The following ILDR2 variants were observed in gnomAD, a reference collection of about 807,000 sequenced individuals.
ILDR2 encodes immunoglobulin-like domain-containing receptor 2.
In ILDR2, 25 loss-of-function variants were observed where a neutral mutation model predicts 66.8. The ratio of observed to expected loss-of-function variants is 0.37; its 90% confidence interval spans 0.27 to 0.52. The LOEUF is 0.52. ILDR2 is among the 20% of genes least tolerant of loss of function. The pLI, the probability that ILDR2 is intolerant of heterozygous loss-of-function variation, is 0.88. For missense variants in ILDR2, 827 were observed against 876.8 expected (o/e 0.94, Z 0.72); for synonymous variants, 367 against 357.2 (o/e 1.03, Z -0.31).
intron 6 of ILDR2, among the ~76,000 whole-genome samples, chr1:166,929,880 GATTATT>G (rs374019162): frequency 2.0e-5 from 3 of 152,188 alleles, no homozygotes; most frequent in African/African-American, 7.2e-5. Flanking sequence ...TGGGTATCAT[GATTATT>G]ATTATTATTA....
At chr1:166,953,134 G>A in intron 3 of ILDR2, among the ~76,000 whole-genome samples, 1 of 152,076 alleles carries the variant, frequency 6.6e-6, no homozygotes, top group East Asian at 1.9e-4. Flanking sequence ...TCTTCTCTGT[G>A]TCTTGATAAA....
downstream of ILDR2, among the ~76,000 whole-genome samples, chr1:166,904,723 G>A (rs532950990): frequency 6.6e-6 from 1 of 152,280 alleles, no homozygotes. Flanking sequence ...ATACACTGTG[G>A]AACAATTAAA....
rs1288930234 is a variant in ILDR2 at position 166,909,379 on chromosome 1, T to C, written c.*9976A>G. 1 of 152,150 alleles carries C rather than the reference T, an allele frequency of 6.6e-6. No homozygotes were observed. The highest frequency in any genetic ancestry group is 1.9e-4 in the East Asian group (1 of 5,184). 9.4% of individuals were successfully genotyped at this position (152,150 alleles called of 1,614,324 possible). On this transcript the variant is annotated 3_prime_UTR_variant, in exon 10 of 10. Coordinates refer to ENST00000271417, the MANE Select transcript of ILDR2 (RefSeq NM_199351.3). ...CTTACTACATTGAGACCCAGGTTTG[T>C]TCTCAGTTCCTACAGCTCTTCCAGC... is the stretch of plus-strand genomic sequence containing the variant.
chr1:166,938,961 C>T (rs551134900), intron 4 of ILDR2, among the ~76,000 whole-genome samples: 2 of 152,058 alleles, frequency 1.3e-5, no homozygotes, highest in East Asian at 1.9e-4. Context: ...ACATATGGTC[C>T]GTGGACCCAT....
chr1:166,921,370 G>A lies in ILDR2; in HGVS notation c.1221C>T (p.Arg407=). ...TCCGCGACAGCATCTCCGACTTGGA[G>A]CGCGGCTGGCTGCGGGCAGAGAAGG... is the stretch of plus-strand genomic sequence containing the variant. ...DRESFRHSQP[R]SKSEMLSRKN... The change falls in exon 9 of 10, where the codon CGC becomes CGT. Residue 407 remains arginine (R), a synonymous_variant. Transcript: ENST00000271417. The surrounding 1 kb of genome is among the most constrained non-coding windows in gnomAD (Gnocchi z 5.3). 6.4e-7 allele frequency: 1 copy of A among 1,566,922 alleles called. No individual in the cohort carries two copies. The highest frequency in any genetic ancestry group is 8.7e-7 in the Non-Finnish European group (1 of 1,153,032).
Position 166,927,157 on chromosome 1 carries a change from C to A in ILDR2, c.904G>T (p.Ala302Ser). The A allele has an allele frequency of 6.2e-7, 1 of 1,613,524 alleles. No homozygotes were observed. Among genetic ancestry groups the A allele is most frequent in the Non-Finnish European group, 8.5e-7 (1 of 1,179,742 alleles). ...TTCATGGAGTCTCTCTCTTTGTCAG[C>A]CTGGATCCGGTAACCTTTGCGAACT... Reference protein sequence around the residue: ...HSVRKGYRIQADKERDSMKVL... With the variant: ...HSVRKGYRIQSDKERDSMKVL... The change falls in exon 7 of 10, where the codon GCT (alanine) becomes TCT (serine). Residue 302 changes from alanine (A) to serine (S), a missense_variant. Physicochemically the swap from Ala to Ser is moderately conservative, Grantham distance 99 (BLOSUM62 1). Around this residue, in one of 2 missense-constraint regions of ILDR2, gnomAD observed 437 missense variants for 523.2 expected, o/e 0.84. Coordinates refer to ENST00000271417, the MANE Select transcript of ILDR2 (RefSeq NM_199351.3).
In ILDR2 at chr1:166,919,365, A is replaced by G; in HGVS notation, c.1910T>C (p.Leu637Pro). 1 of 1,610,768 alleles carries G rather than the reference A, an allele frequency of 6.2e-7. No individual in the cohort carries two copies. Among genetic ancestry groups the G allele is most frequent in the Non-Finnish European group, 8.5e-7 (1 of 1,177,268 alleles). The change falls in exon 10 of 10, where the codon CTT (leucine) becomes CCT (proline). Residue 637 changes from leucine to proline, a missense_variant. Leu to Pro is a moderately conservative substitution (Grantham distance 98, BLOSUM62 -3). Transcript: ENST00000271417. ...GAAATGTTGACAACATCAGACCACAAGGGACATCCTGGTTGGAAAGTCATT... is the reference window on the plus strand; with the variant it reads ...GAAATGTTGACAACATCAGACCACAGGGGACATCCTGGTTGGAAAGTCATT... ...KTNDFPTRMSLVV is the reference protein window; with the variant it reads ...KTNDFPTRMSPVV
chr1:166,966,598 A>C (rs1273002777), intron 1 of ILDR2, among the ~76,000 whole-genome samples: 1 of 152,212 alleles, frequency 6.6e-6, no homozygotes, highest in African/African-American at 2.4e-5. Flanking sequence ...CAAGTGTGCC[A>C]TCCTTTCTTG....
intron 3 of ILDR2, among the ~76,000 whole-genome samples, chr1:166,953,447 C>A (rs112371463): frequency 4.9e-4 from 74 of 152,238 alleles, no homozygotes; most frequent in African/African-American, 1.7e-3. Flanking sequence ...CATCTTTAAC[C>A]CATCTTTTCT....
chr1:166,945,673 C>G (rs1286526287), intron 3 of ILDR2, among the ~76,000 whole-genome samples: 2 of 152,186 alleles, frequency 1.3e-5, no homozygotes, highest in African/African-American at 4.8e-5. Flanking sequence ...TTAGGACAAA[C>G]CTGTTTTCAG....
At chr1:166,934,632 C>T (rs920562529) in intron 6 of ILDR2, among the ~76,000 whole-genome samples, 2 of 152,194 alleles carry the variant, frequency 1.3e-5, no homozygotes, top group South Asian at 2.1e-4. Flanking sequence ...CTGGCTCCGT[C>T]GTATCCTTCT....
At chr1:166,923,817 C>G (rs1660107272) in intron 7 of ILDR2, among the ~76,000 whole-genome samples, 1 of 152,168 alleles carries the variant, frequency 6.6e-6, no homozygotes, top group Admixed American at 6.5e-5. Flanking sequence ...TTTCATTGTA[C>G]TTAAAAAATA....
intron 3 of ILDR2, among the ~76,000 whole-genome samples, chr1:166,944,781 C>G (rs1460324747): frequency 3.3e-5 from 5 of 152,184 alleles, no homozygotes; most frequent in Non-Finnish European, 5.9e-5. Flanking sequence ...GAATGCTGCA[C>G]TAAGAAGGTG....
intron 1 of ILDR2, among the ~76,000 whole-genome samples, chr1:166,960,776 A>T (rs1662564370): frequency 6.6e-6 from 1 of 152,162 alleles, no homozygotes; most frequent in South Asian, 2.1e-4. Flanking sequence ...TCCCTTCACC[A>T]CCACTAAATG....
At chr1:166,905,159 A>G (rs1659324652), downstream of ILDR2, among the ~76,000 whole-genome samples, 1 of 152,148 alleles carries the variant, frequency 6.6e-6, no homozygotes, top group African/African-American at 2.4e-5. Flanking sequence ...TCTCGTATAA[A>G]TACTGGTTAT....
rs562239413 is a variant in ILDR2, at chr1:166,956,664, A to G, written c.499+69T>C. The G allele has an allele frequency of 9.2e-5, 144 of 1,563,598 alleles. No individual in the cohort carries two copies. The African/African-American group carries it at 1.8e-3, about 20-fold the overall frequency. ...CTAATGCACACAGGGGAGAAGTGAG[A>G]AGAGGGATAGGATACAGTGCAAGTG... On this transcript the variant is annotated intron_variant, in intron 3 of 9. Coordinates refer to ENST00000271417, the MANE Select transcript of ILDR2 (RefSeq NM_199351.3).
chr1:166,908,272 G>A lies in ILDR2; in HGVS notation c.*11083C>T, dbSNP rs2837. The A allele has an allele frequency of 0.41, 61,869 of 152,058 alleles. 12,982 individuals are homozygous for A. The highest frequency in any genetic ancestry group is 0.68 in the East Asian group (3,519 of 5,174). The allele number at this position is 152,058 out of a possible 1,614,324, so 9.4% of individuals were successfully genotyped here. A position where few individuals can be genotyped will look rare whatever the true frequency, so the allele number is the denominator to read the frequency against. ...TGCACCAATACATTCAGTTCCTGGCGAAGGTCCTTTTCCTGGTTTGCAGAC... is the reference window on the plus strand; with the variant it reads ...TGCACCAATACATTCAGTTCCTGGCAAAGGTCCTTTTCCTGGTTTGCAGAC... On this transcript the variant is annotated 3_prime_UTR_variant, in exon 10 of 10. Transcript: ENST00000271417.
intron 1 of ILDR2, among the ~76,000 whole-genome samples, chr1:166,969,433 G>C (rs1663151621): frequency 2.0e-5 from 3 of 152,196 alleles, no homozygotes; most frequent in Admixed American, 1.3e-4. Context: ...CTTGAAGACT[G>C]AGACTTTAAG....
intron 1 of ILDR2, among the ~76,000 whole-genome samples, chr1:166,960,718 C>G (rs1476558364): frequency 6.6e-6 from 1 of 152,154 alleles, no homozygotes; most frequent in East Asian, 1.9e-4. Context: ...CATCAAAAGG[C>G]AAACAATTCC....
Sources: allele counts gnomAD v4.1 joint callset (sites outside exome capture counted in the v4.1 genomes callset), GRCh38; gene constraint gnomAD v4.1.1; regional missense constraint gnomAD v4.1.1; non-coding constraint Gnocchi (gnomAD v3.1); transcripts MANE v1.5; gene names NCBI Gene and HGNC (gene_info 2026-07-23, HGNC 2026-07-21).